DPP6: variants seen among roughly 807,000 people sequenced by gnomAD.
DPP6 encodes A-type potassium channel modulatory protein DPP6.
In DPP6, 69 loss-of-function variants were observed where a neutral mutation model predicts 122.6. That is an observed-to-expected ratio of 0.56 (90% CI 0.46 to 0.69). The LOEUF (loss-of-function observed/expected upper bound fraction) is 0.69. Among genes scored for constraint, DPP6 ranks in the 30% least tolerant of loss-of-function variants. DPP6 has a pLI of 0.00. For synonymous variants in DPP6, 418 were observed against 433.1 expected (o/e 0.97, Z 0.43); for missense variants, 928 against 1,116.9 (o/e 0.83, Z 2.41).
chr7:153,857,922 T>C, the DPP6 span, among the ~76,000 whole-genome samples: 2 of 152,212 alleles, frequency 1.3e-5, no homozygotes, highest in South Asian at 4.1e-4. Flanking sequence ...AAATCAATTG[T>C]ATAAAAATGT....
At chr7:154,147,270 T>G (rs2150675173) in intron 1 of DPP6, among the ~76,000 whole-genome samples, 1 of 152,326 alleles carries the variant, frequency 6.6e-6, no homozygotes, top group East Asian at 1.9e-4. Context: ...ACTAGCTCAC[T>G]TCCTTCCTGC....
chr7:154,682,571 A>G (rs1331834001), intron 7 of DPP6, among the ~76,000 whole-genome samples: 2 of 152,232 alleles, frequency 1.3e-5, no homozygotes, highest in Admixed American at 1.3e-4. Context: ...AGGGCACAGA[A>G]CAGAAGATAA....
chr7:154,074,200 A>G (rs1046421939), intron 1 of DPP6, among the ~76,000 whole-genome samples: 2 of 149,674 alleles, frequency 1.3e-5, no homozygotes, highest in Admixed American at 1.3e-4. Flanking sequence ...GAGAACATAT[A>G]TACTCAACAG....
chr7:154,040,727 A>T lies in DPP6; in HGVS notation c.51+152993A>T, dbSNP rs369042916. Among the ~76,000 whole-genome samples the T allele has an allele frequency of 7.5e-4, 114 of 152,320 alleles. 1 individual carries two copies. Among genetic ancestry groups the T allele is most frequent in the African/African-American group, 2.5e-3 (103 of 41,570 alleles). Reference sequence around the variant, plus strand: ...TTTTTCCCACATATTCTGTGTACAGAATTCTATATATGTTCCTAGGGGCTG... The same window carrying T: ...TTTTTCCCACATATTCTGTGTACAGTATTCTATATATGTTCCTAGGGGCTG... On this transcript the variant is annotated intron_variant, in intron 1 of 25. Coordinates refer to the DPP6 transcript ENST00000404039.
Position 154,764,318 on chromosome 7 carries a change from C to A in DPP6, c.884-5099C>A, listed in dbSNP as rs554545897. ...TCACCTTATTCTTGACCTGTTAGGT[C>A]CATGAAAGTGTTACTGTAACCTGCG... is the stretch of plus-strand genomic sequence containing the variant. On this transcript the variant is annotated intron_variant, in intron 8 of 25. Transcript: ENST00000377770. Among the ~76,000 whole-genome samples, 47 of 152,248 alleles carry A rather than the reference C, an allele frequency of 3.1e-4. 2 individuals are homozygous for A. The South Asian group carries it at 9.4e-3, about 30-fold the overall frequency.
chr7:154,515,688 A>G (rs1826432872), intron 3 of DPP6, among the ~76,000 whole-genome samples: 1 of 152,166 alleles, frequency 6.6e-6, no homozygotes, highest in Non-Finnish European at 1.5e-5. Flanking sequence ...CGTGTTAGCC[A>G]GGATGGTCTC....
chr7:154,453,698 A>G (rs141847572), intron 2 of DPP6, among the ~76,000 whole-genome samples: 270 of 152,220 alleles, frequency 1.8e-3, no homozygotes, highest in African/African-American at 5.9e-3. Context: ...GGCCCTTCCT[A>G]TCATTAATCC....
intron 1 of DPP6, among the ~76,000 whole-genome samples, chr7:154,074,043 G>GTATGTATCTATC (rs1554453882): frequency 2.8e-3 from 408 of 147,956 alleles, no homozygotes; most frequent in Admixed American, 6.0e-3. Flanking sequence ...ATGTATGTAA[G>GTATGTATCTATC]TATCTATCTA....
At chr7:154,187,590 A>G (rs946759601) in intron 1 of DPP6, among the ~76,000 whole-genome samples, 2 of 152,222 alleles carry the variant, frequency 1.3e-5, no homozygotes, top group African/African-American at 2.4e-5. Context: ...TTACAATGAC[A>G]TGAAACAACC....
the DPP6 span, among the ~76,000 whole-genome samples, chr7:153,816,270 A>T: frequency 2.6e-5 from 4 of 152,184 alleles, no homozygotes; most frequent in South Asian, 8.3e-4. Flanking sequence ...AATAAAAGGA[A>T]AACAAGATCT....
At chr7:154,862,272 C>T (rs895712726) in intron 17 of DPP6, among the ~76,000 whole-genome samples, 3 of 152,168 alleles carry the variant, frequency 2.0e-5, no homozygotes, top group Admixed American at 6.5e-5. Context: ...TTCCTTGGAG[C>T]GAATCAGGCA....
intron 1 of DPP6, among the ~76,000 whole-genome samples, chr7:153,903,749 G>A (rs766971954): frequency 3.9e-5 from 6 of 152,154 alleles, no homozygotes; most frequent in Non-Finnish European, 5.9e-5. Flanking sequence ...TGCTGGAAGT[G>A]CTGGAAAGCA....
chr7:154,873,974 G>C (rs199748675), intron 19 of DPP6, among the ~76,000 whole-genome samples: 24,729 of 147,356 alleles, frequency 0.17, 2,216 homozygotes, highest in East Asian at 0.53. Flanking sequence ...GCATACATAA[G>C]CACACACATG....
At chr7:154,061,113 C>A (rs543771548) in intron 1 of DPP6, among the ~76,000 whole-genome samples, 1 of 148,332 alleles carries the variant, frequency 6.7e-6, no homozygotes, top group Non-Finnish European at 1.5e-5. Flanking sequence ...TTGCAATCTA[C>A]CGGAAATTAA....
chr7:153,763,931 G>T, the DPP6 span, among the ~76,000 whole-genome samples: 2,802 of 152,238 alleles, frequency 0.018, 39 homozygotes, highest in Non-Finnish European at 0.024. Context: ...ATAAGCATTA[G>T]ACATGATCTC....
intron 16 of DPP6, among the ~76,000 whole-genome samples, chr7:154,842,106 G>A (rs940922919): frequency 6.6e-6 from 1 of 152,208 alleles, no homozygotes; most frequent in African/African-American, 2.4e-5. Context: ...ATGCATGAAC[G>A]GGCAAATAAA....
intron 5 of DPP6, among the ~76,000 whole-genome samples, chr7:154,609,842 TA>T (rs5888580): frequency 0.4 from 61,415 of 152,034 alleles, 13,412 homozygotes; most frequent in East Asian, 0.65. Flanking sequence ...TTATAAGTTA[TA>T]ATATGCCTTT....
At chr7:153,970,677 A>C (rs1257501222) in intron 1 of DPP6, among the ~76,000 whole-genome samples, 2 of 152,180 alleles carry the variant, frequency 1.3e-5, no homozygotes, top group African/African-American at 4.8e-5. Flanking sequence ...AGATGGTATA[A>C]AGTAAAGATC....
chr7:154,319,793 C>T (rs550079871), intron 1 of DPP6, among the ~76,000 whole-genome samples: 5 of 151,834 alleles, frequency 3.3e-5, no homozygotes, highest in Non-Finnish European at 7.4e-5. Flanking sequence ...GAGATCGAGA[C>T]CATCCTGGCC....
Sources: gnomAD v4.1 joint callset for allele counts (sites outside exome capture counted in the v4.1 genomes callset) on GRCh38, gnomAD v4.1.1 for gene constraint, MANE v1.5 for transcripts, NCBI Gene and HGNC (gene_info 2026-07-23, HGNC 2026-07-21) for gene names.